The following NOP58 variants were observed in gnomAD, a reference collection of about 807,000 sequenced individuals.
NOP58 encodes the protein NOP58 ribonucleoprotein, also known as nucleolar protein 58.
Under a neutral mutation model 71.2 loss-of-function variants are expected in NOP58, and 44 were observed. The observed-to-expected ratio is 0.62, with a 90% CI of 0.49 to 0.79. NOP58 has a LOEUF of 0.79. Ranked by LOEUF, NOP58 falls within the 30% of genes least tolerant of loss-of-function variation. The probability of loss-of-function intolerance (pLI) is 0.00; values close to 1 mark genes in which losing one functional copy is unlikely to be tolerated. For missense variants in NOP58, 538 were observed against 620.2 expected (o/e 0.87, Z 1.41); for synonymous variants, 228 against 200.3 (o/e 1.14, Z -1.17).
At chr2:202,286,406 G>C (rs1188019285) in intron 5 of NOP58, among the ~76,000 whole-genome samples, 1 of 151,226 alleles carries the variant, frequency 6.6e-6, no homozygotes, top group Non-Finnish European at 1.5e-5. Flanking sequence ...TCGGGAGGCT[G>C]AGGCAGGAGA....
chr2:202,293,960 A>G (rs1338422773), intron 9 of NOP58, among the ~76,000 whole-genome samples: 2 of 152,108 alleles, frequency 1.3e-5, no homozygotes, highest in Non-Finnish European at 2.9e-5. Flanking sequence ...CATTGTCTCT[A>G]CCCATTTTCA....
Position 202,287,673 on chromosome 2 carries a change from A to C in NOP58, c.448A>C (p.Arg150=). ...CTTTCTTCCCAGCCTGTCTCGATAT[A>C]GATTGAAGTTTAGCGCTGATAAAGT... ...LGLAHSLSRY[R]LKFSADKVDT... is the part of the protein sequence containing the mutation. Residue 150 remains arginine (R), a synonymous_variant, in exon 6 of 15, where the codon AGA becomes CGA. Transcript: ENST00000264279. 6.2e-7 allele frequency: 1 copy of C among 1,612,562 alleles called. No homozygotes were observed. Among genetic ancestry groups the C allele is most frequent in the Non-Finnish European group, 8.5e-7 (1 of 1,178,614 alleles).
intron 5 of NOP58, 155 bp downstream of exon 5, chr2:202,284,636 C>G: frequency 1.3e-6 from 1 of 756,608 alleles, no homozygotes; most frequent in Non-Finnish European, 2.0e-6. Context: ...GAAACTGAAG[C>G]CCAAGGTCAA....
At chr2:202,286,785 T>G (rs1234769636) in intron 5 of NOP58, among the ~76,000 whole-genome samples, 5 of 152,132 alleles carry the variant, frequency 3.3e-5, no homozygotes, top group African/African-American at 1.2e-4. Context: ...CCATAGACAT[T>G]TTTGGTTGTC....
At position 202,291,269 on chromosome 2, in the gene NOP58, A is replaced by T; in HGVS notation, c.779A>T (p.Gln260Leu). The T allele has an allele frequency of 6.3e-7, 1 of 1,598,958 alleles. No homozygotes were observed. Among genetic ancestry groups the T allele is most frequent in the Non-Finnish European group, 8.5e-7 (1 of 1,175,396 alleles). ...TGCAATATTCTGCATCTTTGCACCCAGGTAAATTTTACTCCTGGAGAATCT... is the reference window on the plus strand; with the variant it reads ...TGCAATATTCTGCATCTTTGCACCCTGGTAAATTTTACTCCTGGAGAATCT... Reference protein sequence around the residue: ...DICNILHLCTQVIEISEYRTQ... With the variant: ...DICNILHLCTLVIEISEYRTQ... The change falls in exon 8 of 15, where the codon CAG becomes CTG. Residue 260 changes from glutamine (Q) to leucine (L), a missense_variant and splice_region_variant. Physicochemically the swap from Gln to Leu is moderately radical, Grantham distance 113. Transcript: ENST00000264279.
At chr2:202,282,830 CT>C (rs1688727610) in intron 4 of NOP58, among the ~76,000 whole-genome samples, 1 of 151,840 alleles carries the variant, frequency 6.6e-6, no homozygotes, top group Non-Finnish European at 1.5e-5. Context: ...TATTAGAAAA[CT>C]TTTAGTAGGG....
intron 1 of NOP58, among the ~76,000 whole-genome samples, chr2:202,274,706 G>A (rs889136249): frequency 6.6e-6 from 1 of 151,982 alleles, no homozygotes; most frequent in Admixed American, 6.6e-5. Context: ...AGGTTGCAGT[G>A]AGCCAGGATT....
intron 1 of NOP58, 51 bp downstream of exon 1, chr2:202,266,037 G>T (rs760228758): frequency 4.4e-6 from 7 of 1,596,646 alleles, no homozygotes; most frequent in Admixed American, 1.7e-5. Flanking sequence ...CTGGACAGAC[G>T]AGGAGAGGGA....
chr2:202,287,138 C>T (rs967321751), intron 5 of NOP58, among the ~76,000 whole-genome samples: 2 of 144,932 alleles, frequency 1.4e-5, no homozygotes, highest in African/African-American at 2.6e-5. Context: ...CACGTGATCT[C>T]GGCTCACTGC....
intron 8 of NOP58, among the ~76,000 whole-genome samples, chr2:202,292,280 CTG>C (rs1382063467): frequency 6.6e-6 from 1 of 151,858 alleles, no homozygotes. Context: ...GTGTGAGTCA[CTG>C]TGCCTGGGCT....
At chr2:202,294,631 G>A (rs1688960251) in intron 9 of NOP58, among the ~76,000 whole-genome samples, 1 of 152,100 alleles carries the variant, frequency 6.6e-6, no homozygotes. Flanking sequence ...ATTAGGTACA[G>A]TAGGATATCA....
chr2:202,284,612 C>A, intron 5 of NOP58, 131 bp downstream of exon 5: 2 of 920,536 alleles, frequency 2.2e-6, no homozygotes. Context: ...ATAGTAATAT[C>A]CTCATTTACA....
chr2:202,276,495 C>A, intron 2 of NOP58: 1 of 515,590 alleles, frequency 1.9e-6, no homozygotes, highest in Non-Finnish European at 3.9e-6. Flanking sequence ...CAATATTCGT[C>A]ACTACCACTG....
At chr2:202,300,498 T>C (rs1049278372) in intron 13 of NOP58, 131 bp downstream of exon 13, 2 of 670,474 alleles carry the variant, frequency 3.0e-6, no homozygotes, top group African/African-American at 1.9e-5. Context: ...GGTGTTTTAA[T>C]AATGCCATTA....
chr2:202,274,921 G>T (rs1328110973), intron 1 of NOP58, among the ~76,000 whole-genome samples, 192 bp from the exon 2 acceptor site: 1 of 152,140 alleles, frequency 6.6e-6, no homozygotes, highest in Non-Finnish European at 1.5e-5. Flanking sequence ...ATTCCATTTA[G>T]CTGTTAAATG....
intron 5 of NOP58, among the ~76,000 whole-genome samples, chr2:202,287,197 G>A (rs1688802513): frequency 6.6e-6 from 1 of 151,352 alleles, no homozygotes; most frequent in South Asian, 2.1e-4. Context: ...AGCCTCCAGA[G>A]TAGCTGAGAT....
intron 9 of NOP58, among the ~76,000 whole-genome samples, chr2:202,295,234 T>A (rs1688971326): frequency 6.6e-6 from 1 of 152,262 alleles, no homozygotes; most frequent in Non-Finnish European, 1.5e-5. Flanking sequence ...GGACTATTAA[T>A]AGATACTTGT....
In NOP58 at chr2:202,303,065, T is replaced by G. The variant is rs1689119763; in HGVS notation, c.1539+8T>G. The G allele has an allele frequency of 6.2e-7, 1 of 1,606,140 alleles. No homozygotes were observed. The highest frequency in any genetic ancestry group is 8.5e-7 in the Non-Finnish European group (1 of 1,178,428). On this transcript the variant is annotated splice_region_variant and intron_variant, in intron 14 of 14. Coordinates refer to ENST00000264279, the MANE Select transcript of NOP58 (RefSeq NM_015934.5). Reference sequence around the variant, plus strand: ...ACCAGCACAGCAATTGCTGTATGTTTGTTTTTAATTATCGGTTTTCACTTG... The same window carrying G: ...ACCAGCACAGCAATTGCTGTATGTTGGTTTTTAATTATCGGTTTTCACTTG...
intron 6 of NOP58, 112 bp downstream of exon 6, chr2:202,287,836 G>C (rs1688819250): frequency 1.2e-6 from 1 of 844,656 alleles, no homozygotes; most frequent in Non-Finnish European, 1.9e-6. Context: ...AGGAGGCCAG[G>C]TGTGGTGGCT....
Sources: allele counts gnomAD v4.1 joint callset (sites outside exome capture counted in the v4.1 genomes callset), GRCh38; gene constraint gnomAD v4.1.1; transcripts MANE v1.5; gene names NCBI Gene and HGNC (gene_info 2026-07-23, HGNC 2026-07-21).